The following ARB2A variants were observed in gnomAD, a reference collection of about 807,000 sequenced individuals.
The protein encoded by ARB2A is ARB2 cotranscriptional regulator A.
At chr5:93,696,394 A>G in the ARB2A span, among the ~76,000 whole-genome samples, 1 of 152,134 alleles carries the variant, frequency 6.6e-6, no homozygotes. Flanking sequence ...CCCTTCTATG[A>G]ATCTTCAAAT....
the ARB2A span, chr5:93,683,223 C>T: frequency 3.6e-6 from 5 of 1,379,218 alleles, no homozygotes; most frequent in Admixed American, 1.7e-5. Context: ...TCATCATCAT[C>T]GTCATCATCT....
chr5:94,011,813 GTAGCACAGACA>G, the ARB2A span, among the ~76,000 whole-genome samples: 2 of 148,948 alleles, frequency 1.3e-5, no homozygotes, highest in African/African-American at 5.0e-5. Context: ...TTAGAGTCAA[GTAGCACAGACA>G]TGGTATTAGA....
the ARB2A span, among the ~76,000 whole-genome samples, chr5:93,858,439 T>G: frequency 6.6e-6 from 1 of 152,202 alleles, no homozygotes; most frequent in Non-Finnish European, 1.5e-5. Flanking sequence ...CAGGCAGGCT[T>G]TTCTAAGGAT....
the ARB2A span, among the ~76,000 whole-genome samples, chr5:93,833,877 T>C: frequency 2.6e-5 from 4 of 152,200 alleles, no homozygotes; most frequent in Non-Finnish European, 4.4e-5. Flanking sequence ...ATGTGCAAGT[T>C]TGATACATGA....
the ARB2A span, chr5:93,860,820 A>G: frequency 1.3e-5 from 2 of 151,774 alleles, no homozygotes; most frequent in Non-Finnish European, 2.9e-5. Context: ...ATGCCCGGCT[A>G]ATTTTTTGTA....
At chr5:94,110,691 G>A in the ARB2A span, among the ~76,000 whole-genome samples, 1 of 152,158 alleles carries the variant, frequency 6.6e-6, no homozygotes, top group South Asian at 2.1e-4. Context: ...TTGTTATGCA[G>A]TATATGGCAT....
chr5:93,933,093 C>T, the ARB2A span, among the ~76,000 whole-genome samples: 2 of 152,076 alleles, frequency 1.3e-5, no homozygotes, highest in East Asian at 1.9e-4. Flanking sequence ...AAATCAAAAC[C>T]ACAATGAGAT....
chr5:94,091,050 C>A, the ARB2A span, among the ~76,000 whole-genome samples: 6 of 152,178 alleles, frequency 3.9e-5, no homozygotes, highest in East Asian at 1.2e-3. Context: ...TAAGGGTTGA[C>A]CTGACTGAAG....
chr5:93,790,024 T>C, the ARB2A span, among the ~76,000 whole-genome samples: 1 of 152,206 alleles, frequency 6.6e-6, no homozygotes, highest in East Asian at 1.9e-4. Context: ...ATTTTGAAAG[T>C]AGAAGCTTCG....
chr5:93,689,484 G>A, the ARB2A span, among the ~76,000 whole-genome samples: 2 of 152,144 alleles, frequency 1.3e-5, no homozygotes, highest in Non-Finnish European at 1.5e-5. Flanking sequence ...TTCCCATACT[G>A]CTAAGACGCA....
At chr5:93,797,052 C>A in the ARB2A span, among the ~76,000 whole-genome samples, 12 of 152,218 alleles carry the variant, frequency 7.9e-5, no homozygotes, top group South Asian at 2.3e-3. Flanking sequence ...ACTAGTGAAC[C>A]ATAAACAGTC....
the ARB2A span, among the ~76,000 whole-genome samples, chr5:93,753,130 T>C: frequency 2.0e-5 from 3 of 152,314 alleles, no homozygotes; most frequent in Admixed American, 2.0e-4. Flanking sequence ...AGGCAAAGTA[T>C]AGATTTTCAA....
chr5:93,768,895 TTAA>T, the ARB2A span, among the ~76,000 whole-genome samples: 3 of 151,946 alleles, frequency 2.0e-5, no homozygotes, highest in Non-Finnish European at 4.4e-5. Flanking sequence ...TCCCTACATG[TTAA>T]TAATGAACAA....
At chr5:93,810,645 T>G in the ARB2A span, among the ~76,000 whole-genome samples, 4 of 152,078 alleles carry the variant, frequency 2.6e-5, no homozygotes, top group Admixed American at 6.6e-5. Context: ...TGGGCTGAAC[T>G]GATCCTTTCA....
the ARB2A span, among the ~76,000 whole-genome samples, chr5:93,656,678 A>C: frequency 2.6e-5 from 4 of 152,182 alleles, no homozygotes; most frequent in African/African-American, 7.2e-5. Context: ...AGAAACAAAA[A>C]AGCAACACTC....
the ARB2A span, among the ~76,000 whole-genome samples, chr5:94,069,306 A>G: frequency 6.6e-6 from 1 of 152,222 alleles, no homozygotes; most frequent in Non-Finnish European, 1.5e-5. Flanking sequence ...TTAAAGATTT[A>G]AATGTAAGAC....
the ARB2A span, among the ~76,000 whole-genome samples, chr5:94,053,454 T>C: frequency 6.6e-6 from 1 of 152,120 alleles, no homozygotes; most frequent in African/African-American, 2.4e-5. Context: ...CAACTCAGAT[T>C]CTATACACCA....
At chr5:93,960,681 T>C in the ARB2A span, among the ~76,000 whole-genome samples, 5 of 152,198 alleles carry the variant, frequency 3.3e-5, no homozygotes, top group African/African-American at 1.2e-4. Context: ...TCCTCTAAAA[T>C]GGTTATAATA....
At chr5:93,732,607 C>A in the ARB2A span, among the ~76,000 whole-genome samples, 3 of 151,294 alleles carry the variant, frequency 2.0e-5, no homozygotes, top group Non-Finnish European at 2.9e-5. Flanking sequence ...AAACCCAAAC[C>A]TTAATTTTTA....
Sources: allele counts gnomAD v4.1 joint callset (sites outside exome capture counted in the v4.1 genomes callset), GRCh38; gene constraint gnomAD v4.1.1; transcripts MANE v1.5; gene names NCBI Gene and HGNC (gene_info 2026-07-23, HGNC 2026-07-21).